Variants in C3orf49 observed in about 807,000 individuals in gnomAD.
The protein encoded by C3orf49 is chromosome 3 open reading frame 49.
A neutral mutation model predicts 13.3 loss-of-function variants in C3orf49; 27 were observed. That is an observed-to-expected ratio of 2.02 (90% CI 1.49 to 2.79). The LOEUF (loss-of-function observed/expected upper bound fraction) is 2.79. C3orf49 is among the 30% of genes most tolerant of loss of function. The pLI is 0.00. For missense variants in C3orf49, 242 were observed against 134.2 expected (o/e 1.80, Z -3.97); for synonymous variants, 87 against 47.6 (o/e 1.83, Z -3.40).
chr3:63,831,900 G>A (rs944813879), intron 5 of C3orf49, 56 bp downstream of exon 5: 2 of 676,346 alleles, frequency 3.0e-6, no homozygotes, highest in South Asian at 1.6e-5. Context: ...TTCTTTAAAA[G>A]TTATCTTCCC....
At chr3:63,789,309 T>C in the C3orf49 span, among the ~76,000 whole-genome samples, 1 of 152,176 alleles carries the variant, frequency 6.6e-6, no homozygotes, top group East Asian at 1.9e-4. Context: ...ATGGAAAAAT[T>C]GTCTTCCACA....
intron 2 of C3orf49, 26 bp from the exon 3 acceptor site, chr3:63,827,573 CAG>C (rs754736541): frequency 3.7e-5 from 26 of 698,574 alleles, no homozygotes; most frequent in Admixed American, 4.1e-5. Context: ...GTGATCCTTA[CAG>C]ATTCCTTTTT....
chr3:63,812,732 G>A, the C3orf49 span, among the ~76,000 whole-genome samples: 5 of 152,072 alleles, frequency 3.3e-5, no homozygotes, highest in South Asian at 2.1e-4. Flanking sequence ...AATTTAAACC[G>A]TTGTTATTAT....
chr3:63,796,014 A>G, the C3orf49 span, among the ~76,000 whole-genome samples: 88 of 152,336 alleles, frequency 5.8e-4, no homozygotes, highest in African/African-American at 2.0e-3. Context: ...GAATTCATAT[A>G]TGGATACAAA....
chr3:63,838,085 A>G, intron 5 of C3orf49: 1 of 1,557,880 alleles, frequency 6.4e-7, no homozygotes, highest in Non-Finnish European at 8.7e-7. Flanking sequence ...GTTTTTTAAA[A>G]GATAGTTGTA....
the C3orf49 span, among the ~76,000 whole-genome samples, chr3:63,806,016 C>T: frequency 6.6e-6 from 1 of 152,154 alleles, no homozygotes; most frequent in African/African-American, 2.4e-5. Flanking sequence ...CCTCCATACT[C>T]ACCTCTACAA....
chr3:63,788,216 G>A, the C3orf49 span, among the ~76,000 whole-genome samples: 2 of 152,034 alleles, frequency 1.3e-5, no homozygotes, highest in East Asian at 3.9e-4. Context: ...GATAATGCTA[G>A]CCCATCTTAC....
At chr3:63,843,417 C>A (rs910910354) in intron 5 of C3orf49, among the ~76,000 whole-genome samples, 3 of 152,148 alleles carry the variant, frequency 2.0e-5, no homozygotes, top group Non-Finnish European at 4.4e-5. Flanking sequence ...TGTGCCAGGC[C>A]TCAATAATTC....
chr3:63,814,707 G>A (rs1478234736), upstream of C3orf49, among the ~76,000 whole-genome samples: 1 of 152,002 alleles, frequency 6.6e-6, no homozygotes, highest in Non-Finnish European at 1.5e-5. Flanking sequence ...ACTGATGGGG[G>A]ACTCCTGAAT....
chr3:63,785,062 C>T, the C3orf49 span, among the ~76,000 whole-genome samples: 135 of 96,122 alleles, frequency 1.4e-3, 1 homozygote, highest in South Asian at 9.1e-3. Flanking sequence ...TTCTCTTCTT[C>T]TTCTTTTTTT....
chr3:63,790,557 A>G, the C3orf49 span, among the ~76,000 whole-genome samples: 4 of 151,404 alleles, frequency 2.6e-5, no homozygotes, highest in South Asian at 8.4e-4. Context: ...ATAATTTCAT[A>G]GTGCAGCCAA....
intron 6 of C3orf49, chr3:63,846,137 C>T (rs960355426): frequency 8.1e-6 from 3 of 369,370 alleles, no homozygotes; most frequent in African/African-American, 2.1e-5. Context: ...CTCCTACTGC[C>T]TCTCTCTCTC....
At chr3:63,788,741 C>CA in the C3orf49 span, among the ~76,000 whole-genome samples, 9 of 145,982 alleles carry the variant, frequency 6.2e-5, no homozygotes, top group South Asian at 2.3e-4. Flanking sequence ...AAAAAAAAAA[C>CA]AAAAAAAACT....
At chr3:63,812,171 C>A in the C3orf49 span, among the ~76,000 whole-genome samples, 1 of 152,126 alleles carries the variant, frequency 6.6e-6, no homozygotes, top group Non-Finnish European at 1.5e-5. Flanking sequence ...TTCAAAATAT[C>A]CTGTAGGCCA....
the C3orf49 span, among the ~76,000 whole-genome samples, chr3:63,799,694 A>G: frequency 6.6e-6 from 1 of 152,282 alleles, no homozygotes. Context: ...TTTAATTATA[A>G]TGAGAGAAAG....
At chr3:63,818,873 G>A (rs775983083), upstream of C3orf49, among the ~76,000 whole-genome samples, 2 of 152,174 alleles carry the variant, frequency 1.3e-5, no homozygotes, top group Non-Finnish European at 2.9e-5. Flanking sequence ...AAGATGTAAT[G>A]AAAACCACCC....
intron 2 of C3orf49, 134 bp from the exon 3 acceptor site, chr3:63,827,467 T>C: frequency 3.5e-6 from 2 of 566,064 alleles, no homozygotes; most frequent in East Asian, 2.8e-5. Flanking sequence ...CAATTTTTTA[T>C]TCTTAACTCT....
the C3orf49 span, among the ~76,000 whole-genome samples, chr3:63,799,816 T>C: frequency 1.3e-5 from 2 of 152,244 alleles, no homozygotes; most frequent in South Asian, 4.1e-4. Flanking sequence ...AACCCAAGCC[T>C]CTTGGTACCA....
Position 63,821,493 on chromosome 3 carries a change from T to C in C3orf49, c.126-1757T>C, listed in dbSNP as rs140389152. 7.3e-4 allele frequency among the ~76,000 whole-genome samples: 111 copies of C among 152,264 alleles called. 1 individual carries two copies. The East Asian group carries it at 0.016, about 23-fold the overall frequency. ...AAAACTTATGTTCATACAAAACCTATAGATAAATGTTTATAGCAGCTTTAT... is the reference window on the plus strand; with the variant it reads ...AAAACTTATGTTCATACAAAACCTACAGATAAATGTTTATAGCAGCTTTAT... On this transcript the variant is annotated intron_variant, in intron 1 of 6. Coordinates refer to ENST00000295896, the MANE Select transcript of C3orf49 (RefSeq NM_001355236.2).
Sources: allele counts gnomAD v4.1 joint callset (sites outside exome capture counted in the v4.1 genomes callset), GRCh38; gene constraint gnomAD v4.1.1; transcripts MANE v1.5; gene names NCBI Gene and HGNC (gene_info 2026-07-23, HGNC 2026-07-21).